The following EMC4 variants were observed in gnomAD, a reference collection of about 807,000 sequenced individuals.
EMC4 encodes ER membrane protein complex subunit 4.
In EMC4, 9 loss-of-function variants were observed where a neutral mutation model predicts 24.2. The ratio of observed to expected loss-of-function variants is 0.37; its 90% CI spans 0.22 to 0.65. EMC4 has a LOEUF of 0.65. EMC4 is among the 30% of genes least tolerant of loss of function. The probability of loss-of-function intolerance (pLI) is 0.59; values close to 1 mark genes in which losing one functional copy is unlikely to be tolerated. For missense variants in EMC4, 169 were observed against 234.6 expected, an observed-to-expected ratio of 0.72 and a Z score of 1.83; for synonymous variants, 86 against 81.1, an observed-to-expected ratio of 1.06 and a Z score of -0.32.
chr15:34,229,743 CTTCT>C lies in EMC4; in HGVS notation c.517-6_517-3del. ...CCACTCACCTATTTATTCTTTCTTT[CTTCT>C]TTCAGAGAATGGAGTTCAGTGGTGG... On this transcript the variant is annotated splice_region_variant and splice_polypyrimidine_tract_variant and intron_variant, in intron 4 of 4. Transcript: ENST00000267750. 6.6e-7 allele frequency: 1 copy of C among 1,517,662 alleles called. No homozygotes were observed. Among genetic ancestry groups the C allele is most frequent in the South Asian group, 1.2e-5 (1 of 85,254 alleles). The allele number at this position is 1,517,662 out of a possible 1,614,324, so 94.0% of individuals were successfully genotyped here. A position where few individuals can be genotyped will look rare whatever the true frequency, so the allele number is the denominator to read the frequency against.
chr15:34,227,866 T>A lies in EMC4; in HGVS notation c.355+20T>A. On this transcript the variant is annotated intron_variant, in intron 3 of 4. Transcript: ENST00000267750. ...CAGCCAGTAAGTATTCTTGAAACAA[T>A]AACCCTTCCATAAGTTTGAAGAATT... 6.2e-7 allele frequency: 1 copy of A among 1,609,486 alleles called. No homozygotes were observed. The highest frequency in any genetic ancestry group is 8.5e-7 in the Non-Finnish European group (1 of 1,176,086).
rs1300869562 is a variant in EMC4, at chr15:34,225,039, G to A, written c.-76G>A. 2 of 1,228,644 alleles carry A rather than the reference G, an allele frequency of 1.6e-6. No homozygotes were observed. Among genetic ancestry groups the A allele is most frequent in the Non-Finnish European group, 2.3e-6 (2 of 852,902 alleles). The allele number at this position is 1,228,644 out of a possible 1,614,324, so 76.1% of individuals were successfully genotyped here. A position where few individuals can be genotyped will look rare whatever the true frequency, so the allele number is the denominator to read the frequency against. On this transcript the variant is annotated 5_prime_UTR_variant, in exon 1 of 5. Transcript: ENST00000267750. The stretch of plus-strand genomic sequence containing the variant: ...GTGCATTTGCAGAGTGAGACAAAGC[G>A]GAGAACGCTGGTGGGCCTGTTGTGG...
chr15:34,228,481 T>C lies in EMC4; in HGVS notation c.408T>C (p.Tyr136=), dbSNP rs371080541. 5.3e-5 allele frequency: 86 copies of C among 1,614,008 alleles called. No homozygotes were observed. Among genetic ancestry groups the C allele is most frequent in the South Asian group, 3.8e-4 (35 of 91,090 alleles). Residue 136 remains tyrosine (Y), a synonymous_variant, in exon 4 of 5, where the codon TAT becomes TAC. Transcript: ENST00000267750. The part of the protein sequence containing the change: ...SSQKFLQGLV[Y]LIGNLMGLAL... The stretch of plus-strand genomic sequence containing the variant: ...AGAAGTTTCTTCAGGGTTTGGTCTA[T>C]CTCATTGGGAACCTGATGGGTTTGG...
chr15:34,228,547 T>G lies in EMC4; in HGVS notation c.474T>G (p.Pro158=), dbSNP rs778879673. The stretch of plus-strand genomic sequence containing the variant: ...AGTGCCAGTCCATGGGACTGTTACC[T>G]ACACATGCATCGGATTGGTTAGCCT... ...VYKCQSMGLL[P]THASDWLAFI... Residue 158 remains proline (P), a synonymous_variant, in exon 4 of 5, where the codon CCT becomes CCG. Coordinates refer to ENST00000267750, the MANE Select transcript of EMC4 (RefSeq NM_016454.4). 6.2e-7 allele frequency: 1 copy of G among 1,614,006 alleles called. No homozygotes were observed. Among genetic ancestry groups the G allele is most frequent in the South Asian group, 1.1e-5 (1 of 91,024 alleles).
At chr15:34,227,626 C>T in intron 2 of EMC4, 67 bp from the exon 3 acceptor site, 1 of 1,521,042 alleles carries the variant, frequency 6.6e-7, no homozygotes, top group Non-Finnish European at 9.1e-7. Flanking sequence ...GATTTAGCAT[C>T]AGTGATATGG....
chr15:34,225,730 A>G (rs1470195330), intron 2 of EMC4, 80 bp downstream of exon 2: 6 of 1,071,136 alleles, frequency 5.6e-6, no homozygotes, highest in Non-Finnish European at 8.7e-6. Context: ...GGTGGAGTTA[A>G]CGTAGATAGC....
chr15:34,227,627 A>T, intron 2 of EMC4, 66 bp from the exon 3 acceptor site: 1 of 1,527,450 alleles, frequency 6.5e-7, no homozygotes, highest in Admixed American at 1.7e-5. Context: ...ATTTAGCATC[A>T]GTGATATGGC....
intron 3 of EMC4, chr15:34,228,105 C>G: frequency 2.2e-6 from 1 of 451,292 alleles, no homozygotes; most frequent in South Asian, 2.6e-5. Flanking sequence ...ATCACTTGAA[C>G]CTGGGAGGCA....
rs1448840632 is a variant in EMC4 at position 34,229,880 on chromosome 15, A to T, written c.*92A>T. 8.3e-7 allele frequency: 1 copy of T among 1,200,620 alleles called. No homozygotes were observed. Among genetic ancestry groups the T allele is most frequent in the African/African-American group, 1.5e-5 (1 of 66,826 alleles). The allele number at this position is 1,200,620 out of a possible 1,614,324, so 74.4% of individuals were successfully genotyped here. A position where few individuals can be genotyped will look rare whatever the true frequency, so the allele number is the denominator to read the frequency against. Reference sequence around the variant, plus strand: ...GGCTCCTCAGCATACTCTTAAACTAATCACTTATGTTAAAAAGAACCAAAA... The same window carrying T: ...GGCTCCTCAGCATACTCTTAAACTATTCACTTATGTTAAAAAGAACCAAAA... On this transcript the variant is annotated 3_prime_UTR_variant, in exon 5 of 5. Coordinates refer to ENST00000267750, the MANE Select transcript of EMC4 (RefSeq NM_016454.4).
At position 34,225,094 on chromosome 15, in the gene EMC4, C is replaced by G; in HGVS notation, c.-21C>G. The G allele has an allele frequency of 6.5e-7, 1 of 1,547,622 alleles. No individual in the cohort carries two copies. Among genetic ancestry groups the G allele is most frequent in the South Asian group, 1.2e-5 (1 of 83,992 alleles). On this transcript the variant is annotated 5_prime_UTR_variant, in exon 1 of 5. Transcript: ENST00000267750. ...CGCTTTGGACTGAGAAGCATCGAGG[C>G]TATAGGACGCAGCTGTTGCCATGAC...
Position 34,225,654 on chromosome 15 carries a change from C to T in EMC4, c.201+4C>T. ...AGACCGGATCCTGGTGGAGAAGGTA[C>T]AGAGGTATAGATGTTACCGTAGCCC... is the stretch of plus-strand genomic sequence containing the variant. On this transcript the variant is annotated splice_donor_region_variant and intron_variant, in intron 2 of 4. Transcript: ENST00000267750. 6.2e-7 allele frequency: 1 copy of T among 1,609,388 alleles called. No individual in the cohort carries two copies. The highest frequency in any genetic ancestry group is 8.5e-7 in the Non-Finnish European group (1 of 1,175,746).
Position 34,225,627 on chromosome 15 carries a change from A to G in EMC4, c.178A>G (p.Thr60Ala). The G allele has an allele frequency of 6.2e-7, 1 of 1,614,040 alleles. No homozygotes were observed. The highest frequency in any genetic ancestry group is 1.3e-5 in the African/African-American group (1 of 75,012). Residue 60 changes from threonine (T) to alanine (A), a missense_variant, in exon 2 of 5, where the codon ACA becomes GCA. Thr to Ala is a moderately conservative substitution (Grantham distance 58, BLOSUM62 0). Coordinates refer to ENST00000267750, the MANE Select transcript of EMC4 (RefSeq NM_016454.4). ...AGTGCCTGATACCAGCGTGCAAGAGACAGACCGGATCCTGGTGGAGAAGGT... is the reference window on the plus strand; with the variant it reads ...AGTGCCTGATACCAGCGTGCAAGAGGCAGACCGGATCCTGGTGGAGAAGGT... Reference protein sequence around the residue: ...KQVPDTSVQETDRILVEKRCW... With the variant: ...KQVPDTSVQEADRILVEKRCW...
chr15:34,229,693 AG>A, intron 4 of EMC4, 59 bp from the exon 5 acceptor site: 1 of 939,676 alleles, frequency 1.1e-6, no homozygotes, highest in East Asian at 2.5e-5. Context: ...TAATTGATTC[AG>A]GAAGTTATTT....
chr15:34,225,207 C>A lies in EMC4; in HGVS notation c.86+7C>A. On this transcript the variant is annotated splice_region_variant and intron_variant, in intron 1 of 4. Transcript: ENST00000267750. ...GGCCTGGAGGAGGCAGCAGGTGAGG[C>A]ACCTGGGCAAGCTGTACATCACTGT... 1 of 1,547,250 alleles carries A rather than the reference C, an allele frequency of 6.5e-7. No homozygotes were observed. Among genetic ancestry groups the A allele is most frequent in the Non-Finnish European group, 8.7e-7 (1 of 1,144,490 alleles).
intron 3 of EMC4, 82 bp from the exon 4 acceptor site, chr15:34,228,347 A>C: frequency 6.9e-7 from 1 of 1,443,216 alleles, no homozygotes; most frequent in Non-Finnish European, 9.5e-7. Flanking sequence ...GGGTCTGTCT[A>C]TATGAATTTA....
chr15:34,225,641 G>T lies in EMC4; in HGVS notation c.192G>T (p.Leu64=). 1.9e-6 allele frequency: 3 copies of T among 1,613,368 alleles called. No homozygotes were observed. In the South Asian group the frequency reaches 3.3e-5, roughly 18 times the overall value. Residue 64 remains leucine, a synonymous_variant, in exon 2 of 5, where the codon CTG becomes CTT. Transcript: ENST00000267750. Reference sequence around the variant, plus strand: ...GCGTGCAAGAGACAGACCGGATCCTGGTGGAGAAGGTACAGAGGTATAGAT... The same window carrying T: ...GCGTGCAAGAGACAGACCGGATCCTTGTGGAGAAGGTACAGAGGTATAGAT... ...DTSVQETDRI[L]VEKRCWDIAL...
intron 4 of EMC4, 123 bp from the exon 5 acceptor site, chr15:34,229,629 TG>T (rs1890782965): frequency 1.5e-6 from 1 of 667,640 alleles, no homozygotes; most frequent in South Asian, 1.9e-5. Context: ...GCGCCTGGCC[TG>T]GAAGTTCTTT....
intron 2 of EMC4, chr15:34,226,274 G>A (rs2140592715): frequency 6.0e-6 from 1 of 166,618 alleles, no homozygotes; most frequent in South Asian, 1.4e-4. Context: ...AATTTCAAAT[G>A]TATTGATATA....
Position 34,228,446 on chromosome 15 carries a change from A to G in EMC4, c.373A>G (p.Ser125Gly). Residue 125 changes from serine (S) to glycine (G), a missense_variant, in exon 4 of 5, where the codon AGT becomes GGT. By Grantham distance (56) the Ser-to-Gly change is moderately conservative (BLOSUM62 0). Coordinates refer to ENST00000267750, the MANE Select transcript of EMC4 (RefSeq NM_016454.4). ...CGCAACAGCTTTCAAGATGTTAGAAAGTTCAAGCCAGAAGTTTCTTCAGGG... is the reference window on the plus strand; with the variant it reads ...CGCAACAGCTTTCAAGATGTTAGAAGGTTCAAGCCAGAAGTTTCTTCAGGG... ...AISATFKMLESSSQKFLQGLV... is the reference protein window; with the variant it reads ...AISATFKMLEGSSQKFLQGLV... 13 of 1,613,346 alleles carry G rather than the reference A, an allele frequency of 8.1e-6. No individual in the cohort carries two copies. Among genetic ancestry groups the G allele is most frequent in the Non-Finnish European group, 1.0e-5 (12 of 1,179,878 alleles).
Sources: gnomAD v4.1 joint callset for allele counts on GRCh38, gnomAD v4.1.1 for gene constraint, MANE v1.5 for transcripts, NCBI Gene and HGNC (gene_info 2026-07-23, HGNC 2026-07-21) for gene names.